CNTFR: variants seen among roughly 807,000 people sequenced by gnomAD.
CNTFR encodes the protein ciliary neurotrophic factor receptor.
A neutral mutation model predicts 40.4 loss-of-function variants in CNTFR; 12 were observed. The observed-to-expected ratio is 0.30, with a 90% CI of 0.19 to 0.48. CNTFR has a LOEUF of 0.48. Among genes scored for constraint, CNTFR ranks in the 20% least tolerant of loss-of-function variants. CNTFR has a pLI of 0.99. For synonymous variants in CNTFR, 202 were observed against 209.6 expected, an observed-to-expected ratio of 0.96 and a Z score of 0.31; for missense variants, 414 against 506.8, an observed-to-expected ratio of 0.82 and a Z score of 1.76.
Position 34,552,934 on chromosome 9 carries a change from G to A in CNTFR, c.769-80C>T, listed in dbSNP as rs1376630309. The A allele has an allele frequency of 1.4e-6, 2 of 1,404,184 alleles. No homozygotes were observed. The highest frequency in any genetic ancestry group is 1.8e-4 in the Middle Eastern group (1 of 5,594). The allele number at this position is 1,404,184 out of a possible 1,614,324, so 87.0% of individuals were successfully genotyped here. On this transcript the variant is annotated intron_variant, in intron 7 of 9. Transcript: ENST00000378980. The surrounding 1 kb of genome is among the most constrained non-coding windows in gnomAD (Gnocchi z 5.1). ...AGGTCCCTCCAGAGGAAGTGAGCAT[G>A]CCTCTGAGGAGAGGAGAGTAAAGGG... is the stretch of plus-strand genomic sequence containing the variant.
intron 2 of CNTFR, among the ~76,000 whole-genome samples, chr9:34,574,912 C>T (rs78060173): frequency 0.041 from 6,247 of 152,282 alleles, 207 homozygotes; most frequent in South Asian, 0.064. Context: ...GCTGGGGAGG[C>T]ATCCTGGGGA....
rs1161356490 is a variant in CNTFR, at chr9:34,552,427, T to C, written c.950-98A>G. ...TACCATTCTGCTTCCTGCATCAGAC[T>C]GGTACTGCCTCCCCCATCAGGCAGA... On this transcript the variant is annotated intron_variant, in intron 8 of 9. Coordinates refer to ENST00000378980, the MANE Select transcript of CNTFR (RefSeq NM_147164.3). The surrounding 1 kb of genome is among the most constrained non-coding windows in gnomAD (Gnocchi z 5.1). The C allele has an allele frequency of 2.3e-6, 3 of 1,290,586 alleles. No individual in the cohort carries two copies. The highest frequency in any genetic ancestry group is 1.5e-5 in the African/African-American group (1 of 67,144). The allele number at this position is 1,290,586 out of a possible 1,614,324, so 79.9% of individuals were successfully genotyped here. A position where few individuals can be genotyped will look rare whatever the true frequency, so the allele number is the denominator to read the frequency against.
At chr9:34,572,137 A>G (rs1166969266) in intron 2 of CNTFR, among the ~76,000 whole-genome samples, 1 of 151,980 alleles carries the variant, frequency 6.6e-6, no homozygotes, top group Non-Finnish European at 1.5e-5. Context: ...CCCCTAGGGT[A>G]CAAGGGTAAA....
At chr9:34,565,736 C>G (rs894300894) in intron 3 of CNTFR, among the ~76,000 whole-genome samples, 2 of 152,126 alleles carry the variant, frequency 1.3e-5, no homozygotes, top group Admixed American at 6.5e-5. Flanking sequence ...GAGGCGAGCA[C>G]CTGTCGACAG....
intron 2 of CNTFR, among the ~76,000 whole-genome samples, chr9:34,575,792 G>A (rs1826930128): frequency 6.6e-6 from 1 of 152,044 alleles, no homozygotes; most frequent in South Asian, 2.1e-4. Flanking sequence ...CCAGAGTTGG[G>A]TGGGGGGAAA....
At chr9:34,556,931 T>A (rs969184915) in intron 6 of CNTFR, among the ~76,000 whole-genome samples, 3 of 152,120 alleles carry the variant, frequency 2.0e-5, no homozygotes, top group African/African-American at 7.2e-5. Flanking sequence ...GGGGATCTGA[T>A]GAGCGCGCCT....
chr9:34,588,657 A>C (rs575487111), intron 1 of CNTFR, among the ~76,000 whole-genome samples: 12 of 152,328 alleles, frequency 7.9e-5, no homozygotes, highest in African/African-American at 2.9e-4. Flanking sequence ...ATTTTCAACA[A>C]GGCGTGAAAT....
intron 7 of CNTFR, 99 bp downstream of exon 7, chr9:34,556,156 G>T (rs1411163022): frequency 4.6e-6 from 6 of 1,313,664 alleles, no homozygotes; most frequent in Admixed American, 4.1e-5. Context: ...GATGCATCAG[G>T]TCTCACACTG....
At chr9:34,576,987 C>G (rs930699167) in intron 2 of CNTFR, among the ~76,000 whole-genome samples, 3 of 152,234 alleles carry the variant, frequency 2.0e-5, no homozygotes, top group Non-Finnish European at 2.9e-5. Flanking sequence ...CCAGCCCCCA[C>G]CAAAGCCCTG....
chr9:34,577,699 A>T (rs956063051), intron 2 of CNTFR, among the ~76,000 whole-genome samples: 1 of 152,060 alleles, frequency 6.6e-6, no homozygotes, highest in Non-Finnish European at 1.5e-5. Flanking sequence ...CAATGGACAC[A>T]GCCAGAGCCC....
chr9:34,562,780 C>T (rs1476990448), intron 4 of CNTFR, among the ~76,000 whole-genome samples: 1 of 152,178 alleles, frequency 6.6e-6, no homozygotes, highest in Non-Finnish European at 1.5e-5. Flanking sequence ...TTGGTGGGTA[C>T]CTCCAGCTGG....
chr9:34,553,848 G>C (rs978453948), intron 7 of CNTFR, among the ~76,000 whole-genome samples: 4 of 152,246 alleles, frequency 2.6e-5, no homozygotes, highest in African/African-American at 9.6e-5. Flanking sequence ...GCAGCCGGCA[G>C]GGGCGGAGGA....
At position 34,557,392 on chromosome 9, in the gene CNTFR, C is replaced by T. The variant is rs373812906; in HGVS notation, c.604+134G>A. 1.2e-5 allele frequency: 11 copies of T among 912,580 alleles called. No homozygotes were observed. The highest frequency in any genetic ancestry group is 6.6e-5 in the African/African-American group (4 of 60,200). 56.5% of individuals were successfully genotyped at this position (912,580 alleles called of 1,614,324 possible). A position where few individuals can be genotyped will look rare whatever the true frequency, so the allele number is the denominator to read the frequency against. The stretch of plus-strand genomic sequence containing the variant: ...GCATATATGTGCACATATATGTGCA[C>T]TGTACATACCTGTGCAGAGGCATGT... On this transcript the variant is annotated intron_variant, in intron 6 of 9. Coordinates refer to ENST00000378980, the MANE Select transcript of CNTFR (RefSeq NM_147164.3). The surrounding 1 kb of genome is among the most constrained non-coding windows in gnomAD (Gnocchi z 4.2).
At chr9:34,578,006 C>T (rs1827078281) in intron 2 of CNTFR, among the ~76,000 whole-genome samples, 2 of 151,624 alleles carry the variant, frequency 1.3e-5, no homozygotes, top group African/African-American at 2.4e-5. Context: ...GGCCCTGTGG[C>T]CACTGACCTG....
intron 2 of CNTFR, among the ~76,000 whole-genome samples, chr9:34,574,854 T>C (rs1025369320): frequency 4.6e-5 from 7 of 152,010 alleles, no homozygotes; most frequent in Non-Finnish European, 8.8e-5. Flanking sequence ...TGTGCGGGCG[T>C]GTTGTTGGGG....
intron 7 of CNTFR, 115 bp downstream of exon 7, chr9:34,556,140 G>A (rs1346077219): frequency 3.3e-6 from 4 of 1,198,342 alleles, no homozygotes; most frequent in East Asian, 5.1e-5. Context: ...TCCCCGCAGA[G>A]AGCCTGATGC....
intron 1 of CNTFR, among the ~76,000 whole-genome samples, chr9:34,581,510 C>A (rs1440529297): frequency 6.6e-6 from 1 of 152,216 alleles, no homozygotes; most frequent in Non-Finnish European, 1.5e-5. Context: ...ACACAGGCAC[C>A]TCCATATCAC....
intron 3 of CNTFR, 43 bp downstream of exon 3, chr9:34,568,854 G>C (rs1256907373): frequency 3.3e-6 from 5 of 1,527,954 alleles, no homozygotes; most frequent in Non-Finnish European, 4.4e-6. Flanking sequence ...TTCATGCCCA[G>C]CTCTGAGAGG....
chr9:34,571,596 C>A (rs953129215), intron 2 of CNTFR, among the ~76,000 whole-genome samples: 2 of 145,276 alleles, frequency 1.4e-5, no homozygotes, highest in Admixed American at 7.0e-5. Context: ...ACACTCAGGC[C>A]CCCGCGGGGG....
Sources: allele counts gnomAD v4.1 joint callset (sites outside exome capture counted in the v4.1 genomes callset), GRCh38; gene constraint gnomAD v4.1.1; non-coding constraint Gnocchi (gnomAD v3.1); transcripts MANE v1.5; gene names NCBI Gene and HGNC (gene_info 2026-07-23, HGNC 2026-07-21).